The following COX7B2 variants were observed in gnomAD, a reference collection of about 807,000 sequenced individuals.
COX7B2 encodes cytochrome c oxidase subunit 7B2.
For synonymous variants in COX7B2, 37 were observed against 32.1 expected, an observed-to-expected ratio of 1.15 and a Z score of -0.51; for missense variants, 109 against 95.9, an observed-to-expected ratio of 1.14 and a Z score of -0.57.
chr4:46,811,435 T>C (rs1372405845), intron 2 of COX7B2, among the ~76,000 whole-genome samples: 1 of 152,014 alleles, frequency 6.6e-6, no homozygotes, highest in East Asian at 1.9e-4. Flanking sequence ...ACCTCAACCA[T>C]ATATATTTTT....
chr4:46,827,272 C>A (rs1431228890), intron 2 of COX7B2, among the ~76,000 whole-genome samples: 2 of 151,832 alleles, frequency 1.3e-5, no homozygotes, highest in Non-Finnish European at 2.9e-5. Flanking sequence ...AATTTACAAA[C>A]TCCAAATAGG....
chr4:46,798,123 A>G (rs1035462174), intron 2 of COX7B2, among the ~76,000 whole-genome samples: 4 of 152,216 alleles, frequency 2.6e-5, no homozygotes, highest in Admixed American at 2.0e-4. Flanking sequence ...AAAGATTTAC[A>G]TATCACACGT....
intron 2 of COX7B2, among the ~76,000 whole-genome samples, chr4:46,759,871 TAA>T (rs1409318888): frequency 1.0e-4 from 15 of 149,982 alleles, no homozygotes; most frequent in Non-Finnish European, 1.5e-4. Context: ...ATAAGTTATA[TAA>T]GTCATATCTT....
At chr4:46,886,050 T>C (rs1184565991) in intron 1 of COX7B2, among the ~76,000 whole-genome samples, 5 of 152,122 alleles carry the variant, frequency 3.3e-5, no homozygotes, top group African/African-American at 1.2e-4. Context: ...AAGTAAAGAT[T>C]TGGGAAGAAA....
intron 1 of COX7B2, among the ~76,000 whole-genome samples, chr4:46,893,306 A>G (rs1719552562): frequency 6.6e-6 from 1 of 152,160 alleles, no homozygotes; most frequent in Non-Finnish European, 1.5e-5. Context: ...AGCATTTTAC[A>G]CAAGTGGTCT....
intron 2 of COX7B2, among the ~76,000 whole-genome samples, chr4:46,806,204 T>A (rs1487258959): frequency 1.3e-5 from 2 of 152,118 alleles, no homozygotes; most frequent in Non-Finnish European, 2.9e-5. Context: ...TTTATTAATG[T>A]TGATGGTAAC....
chr4:46,816,074 G>A (rs4078123), intron 2 of COX7B2, among the ~76,000 whole-genome samples: 3,449 of 152,056 alleles, frequency 0.023, 120 homozygotes, highest in African/African-American at 0.079. Context: ...CAGTCCTCTG[G>A]GTGATAAAGT....
At chr4:46,871,349 G>T (rs565731355) in intron 1 of COX7B2, among the ~76,000 whole-genome samples, 1 of 152,036 alleles carries the variant, frequency 6.6e-6, no homozygotes, top group African/African-American at 2.4e-5. Context: ...ACTAAATATG[G>T]ATTAAATTAA....
chr4:46,881,601 A>T (rs1577692948), intron 1 of COX7B2, among the ~76,000 whole-genome samples: 1 of 118,068 alleles, frequency 8.5e-6, no homozygotes, highest in African/African-American at 3.2e-5. Context: ...CATCTCTAAT[A>T]AAAAAAAAAA....
chr4:46,754,555 G>C (rs77513124), intron 2 of COX7B2, among the ~76,000 whole-genome samples: 1 of 100,542 alleles, frequency 9.9e-6, no homozygotes, highest in Non-Finnish European at 1.9e-5. Context: ...GTGGGGGGAG[G>C]GGGGAGGGAT....
intron 2 of COX7B2, among the ~76,000 whole-genome samples, chr4:46,833,036 G>C (rs974086893): frequency 1.3e-5 from 2 of 152,062 alleles, no homozygotes; most frequent in African/African-American, 4.8e-5. Context: ...CTCCCGAGTA[G>C]CTGGGATTAC....
chr4:46,901,789 A>C (rs1720084128), intron 1 of COX7B2, among the ~76,000 whole-genome samples: 1 of 152,042 alleles, frequency 6.6e-6, no homozygotes, highest in Non-Finnish European at 1.5e-5. Context: ...GCCCTCAAAC[A>C]CTGCAGCTTC....
In COX7B2 at chr4:46,755,008, G is replaced by T. The variant is rs138348373; in HGVS notation, c.-49-19767C>A. 2.6e-3 allele frequency among the ~76,000 whole-genome samples: 393 copies of T among 150,136 alleles called. 2 individuals carry two copies. Among genetic ancestry groups the T allele is most frequent in the African/African-American group, 9.0e-3 (370 of 41,126 alleles). ...CAACAACAACAACAAAAGAAAACAT[G>T]CAGTGATGAACACAGATGCAAAAAT... On this transcript the variant is annotated intron_variant, in intron 2 of 2. Coordinates refer to ENST00000355591, the MANE Select transcript of COX7B2 (RefSeq NM_130902.3).
At chr4:46,845,931 C>A (rs965719841) in intron 1 of COX7B2, among the ~76,000 whole-genome samples, 3 of 151,974 alleles carry the variant, frequency 2.0e-5, no homozygotes, top group Non-Finnish European at 4.4e-5. Flanking sequence ...TGTGGTCAAT[C>A]TGACTAGAAG....
intron 2 of COX7B2, among the ~76,000 whole-genome samples, chr4:46,809,566 C>A (rs1197733252): frequency 6.6e-6 from 1 of 151,726 alleles, no homozygotes. Context: ...TTAATTTCCA[C>A]AAATTTATGA....
intron 2 of COX7B2, among the ~76,000 whole-genome samples, chr4:46,759,884 A>C (rs1346414859): frequency 6.7e-6 from 1 of 149,922 alleles, no homozygotes; most frequent in Non-Finnish European, 1.5e-5. Flanking sequence ...GTCATATCTT[A>C]TATAAGTTAT....
Position 46,882,273 on chromosome 4 carries a change from T to C in COX7B2, c.-105+26887A>G, listed in dbSNP as rs562804574. On this transcript the variant is annotated intron_variant, in intron 1 of 2. Transcript: ENST00000355591. ...GACGAGAAGAATGTGTATTCTGTTG[T>C]TTTTTGGTAGAGAGTTCTGTAAAGG... Among the ~76,000 whole-genome samples the C allele has an allele frequency of 3.9e-5, 6 of 152,258 alleles. No homozygotes were observed. In the East Asian group the frequency reaches 5.8e-4, roughly 15 times the overall value.
At chr4:46,766,833 AC>A (rs1384233439) in intron 2 of COX7B2, among the ~76,000 whole-genome samples, 1 of 152,170 alleles carries the variant, frequency 6.6e-6, no homozygotes, top group Non-Finnish European at 1.5e-5. Context: ...CTCCATAGTA[AC>A]CACAAAGTCA....
chr4:46,752,720 A>T (rs7441104), intron 2 of COX7B2, among the ~76,000 whole-genome samples: 49,678 of 151,836 alleles, frequency 0.33, 8,390 homozygotes, highest in South Asian at 0.47. Flanking sequence ...CTGGATTACA[A>T]TTATTGATTT....
Sources: gnomAD v4.1 joint callset for allele counts (sites outside exome capture counted in the v4.1 genomes callset) on GRCh38, gnomAD v4.1.1 for gene constraint, MANE v1.5 for transcripts, NCBI Gene and HGNC (gene_info 2026-07-23, HGNC 2026-07-21) for gene names.